The following CRACDL variants were observed in gnomAD, a reference collection of about 807,000 sequenced individuals.
The protein encoded by CRACDL is CRACD-like protein.
In CRACDL, 26 loss-of-function variants were observed where a neutral mutation model predicts 70.6. The ratio of observed to expected loss-of-function variants is 0.37; its 90% CI spans 0.27 to 0.51. CRACDL has a LOEUF of 0.51. Ranked by LOEUF, CRACDL falls within the 20% of genes least tolerant of loss-of-function variation. The pLI is 0.94. For missense variants in CRACDL, 1,283 were observed against 1,376.9 expected (o/e 0.93, Z 1.08); for synonymous variants, 618 against 615.2 (o/e 1.00, Z -0.07).
chr2:98,902,441 A>G (rs1708305598), intron 1 of CRACDL, among the ~76,000 whole-genome samples: 1 of 152,032 alleles, frequency 6.6e-6, no homozygotes, highest in Non-Finnish European at 1.5e-5. Flanking sequence ...CCAGCAAATG[A>G]TCTGATCAAT....
At position 98,856,824 on chromosome 2, in the gene CRACDL, T is replaced by A. The variant is rs150931887; in HGVS notation, c.-10-10014A>T. Among the ~76,000 whole-genome samples the A allele has an allele frequency of 6.6e-5, 10 of 152,300 alleles. No homozygotes were observed. The East Asian group carries it at 1.2e-3, about 18-fold the overall frequency. ...AGGTGTACCAGTGTGAGAAGGATGG[T>A]CCCTGCAACAAGTTCCCCTTCTTGT... On this transcript the variant is annotated intron_variant, in intron 1 of 9. Coordinates refer to ENST00000397899, the MANE Select transcript of CRACDL (RefSeq NM_207362.3).
chr2:98,822,439 C>T lies in CRACDL; in HGVS notation c.1834G>A (p.Ala612Thr), dbSNP rs866880703. ...RSGPVWRSEA[A>T]LDDLQGLPEP... Reference sequence around the variant, plus strand: ...GGGAGACCCTGGAGGTCGTCAAGAGCCGCCTCGCTCCTCCAGACCGGGCCG... The same window carrying T: ...GGGAGACCCTGGAGGTCGTCAAGAGTCGCCTCGCTCCTCCAGACCGGGCCG... The change falls in exon 7 of 10, where the codon GCT becomes ACT. Residue 612 changes from alanine (A) to threonine (T), a missense_variant. Coordinates refer to ENST00000397899, the MANE Select transcript of CRACDL (RefSeq NM_207362.3). The surrounding 1 kb of genome is among the most constrained non-coding windows in gnomAD (Gnocchi z 4.9). The T allele has an allele frequency of 2.0e-6, 3 of 1,483,044 alleles. No individual in the cohort carries two copies. The highest frequency in any genetic ancestry group is 2.3e-5 in the Admixed American group (1 of 43,044). The allele number at this position is 1,483,044 out of a possible 1,614,324, so 91.9% of individuals were successfully genotyped here.
intron 1 of CRACDL, among the ~76,000 whole-genome samples, chr2:98,921,886 C>T (rs1179887304): frequency 6.6e-6 from 1 of 152,104 alleles, no homozygotes; most frequent in Non-Finnish European, 1.5e-5. Flanking sequence ...ACCCTGAGTC[C>T]CACTCCCACC....
intron 1 of CRACDL, among the ~76,000 whole-genome samples, chr2:98,883,567 G>GGAA (rs1409437696): frequency 1.3e-5 from 2 of 152,162 alleles, no homozygotes; most frequent in Non-Finnish European, 2.9e-5. Flanking sequence ...CTCGGCAAGG[G>GGAA]GCAGCAGCAT....
chr2:98,869,017 G>A (rs571978325), intron 1 of CRACDL: 253 of 1,135,424 alleles, frequency 2.2e-4, no homozygotes, highest in Middle Eastern at 1.4e-3. Context: ...CGGGAGTCAC[G>A]GCCTGGCCTC....
chr2:98,838,142 G>A lies in CRACDL; in HGVS notation c.216C>T (p.Gly72=), dbSNP rs756740972. The A allele has an allele frequency of 1.2e-6, 2 of 1,609,976 alleles. No individual in the cohort carries two copies. The highest frequency in any genetic ancestry group is 1.7e-6 in the Non-Finnish European group (2 of 1,178,334). Residue 72 remains glycine (G), a synonymous_variant, in exon 3 of 10, where the codon GGC becomes GGT. Transcript: ENST00000397899. The part of the protein sequence containing the change: ...EVIAIESGPV[G]YDSEDELEES... ...ACTCCAGCTCATCCTCGGAGTCGTA[G>A]CCCACTGGCCCGGATTCGATGGCAA...
At chr2:98,836,899 G>A (rs912668682) in intron 3 of CRACDL, among the ~76,000 whole-genome samples, 4 of 151,954 alleles carry the variant, frequency 2.6e-5, no homozygotes, top group African/African-American at 9.7e-5. Context: ...TGGCTAACAC[G>A]GTGAAATCCC....
rs117359494 is a variant in CRACDL at position 98,922,298 on chromosome 2, G to A, written c.-11+13640C>T. On this transcript the variant is annotated intron_variant, in intron 1 of 9. Transcript: ENST00000397899. ...AAATACAAAATACACCCATGCACCGGGCATGGTGGTGCACGCCTGTAGTCC... is the reference window on the plus strand; with the variant it reads ...AAATACAAAATACACCCATGCACCGAGCATGGTGGTGCACGCCTGTAGTCC... Among the ~76,000 whole-genome samples the A allele has an allele frequency of 1.2e-4, 18 of 151,890 alleles. No individual in the cohort carries two copies. The East Asian group carries it at 3.5e-3, about 30-fold the overall frequency.
chr2:98,842,059 G>A (rs969054205), intron 2 of CRACDL, among the ~76,000 whole-genome samples: 1 of 151,752 alleles, frequency 6.6e-6, no homozygotes, highest in Non-Finnish European at 1.5e-5. Context: ...GGGATTCATT[G>A]GGTTTCTTAA....
chr2:98,854,893 C>G (rs1706635171), intron 1 of CRACDL, among the ~76,000 whole-genome samples: 1 of 152,196 alleles, frequency 6.6e-6, no homozygotes, highest in African/African-American at 2.4e-5. Flanking sequence ...AAAGCCATTA[C>G]TGGGACAAAT....
At chr2:98,801,358 C>T (rs1453091260) in intron 7 of CRACDL, among the ~76,000 whole-genome samples, 1 of 152,208 alleles carries the variant, frequency 6.6e-6, no homozygotes, top group Non-Finnish European at 1.5e-5. Context: ...CACCTGGAGC[C>T]TCTCAGCAGA....
intron 1 of CRACDL, among the ~76,000 whole-genome samples, chr2:98,901,964 G>A (rs1335045672): frequency 4.6e-5 from 7 of 152,076 alleles, no homozygotes; most frequent in Admixed American, 1.3e-4. Context: ...AAAGGTGGGC[G>A]CAATGAAGTC....
intron 1 of CRACDL, among the ~76,000 whole-genome samples, chr2:98,873,798 G>C (rs1476903976): frequency 6.6e-6 from 1 of 152,188 alleles, no homozygotes; most frequent in African/African-American, 2.4e-5. Context: ...CTGAGGTCAG[G>C]AATTCCAGAC....
chr2:98,934,161 C>G (rs1709151400), intron 1 of CRACDL, among the ~76,000 whole-genome samples: 1 of 151,668 alleles, frequency 6.6e-6, no homozygotes, highest in African/African-American at 2.4e-5. Flanking sequence ...TCTCATTTCC[C>G]TGAATGGTGC....
rs189239994 is a variant in CRACDL, at chr2:98,861,420, T to C, written c.-10-14610A>G. Among the ~76,000 whole-genome samples, 3 of 152,216 alleles carry C rather than the reference T, an allele frequency of 2.0e-5. No individual in the cohort carries two copies. In the East Asian group the frequency reaches 5.8e-4, roughly 29 times the overall value. ...ACTAGAATGACTATAATAAAAGAGA[T>C]AGATAATAACAAGCGTTGCAAGGAT... On this transcript the variant is annotated intron_variant, in intron 1 of 9. Transcript: ENST00000397899.
intron 7 of CRACDL, among the ~76,000 whole-genome samples, chr2:98,800,636 C>A (rs1324628390): frequency 6.6e-6 from 1 of 152,186 alleles, no homozygotes; most frequent in Non-Finnish European, 1.5e-5. Context: ...TCTGGTCAGT[C>A]TCTCTCCTAA....
At chr2:98,894,860 C>CT in intron 1 of CRACDL, among the ~76,000 whole-genome samples, 1 of 152,192 alleles carries the variant, frequency 6.6e-6, no homozygotes. Flanking sequence ...AATCTCAGCA[C>CT]TTTGGGAGGC....
At chr2:98,935,093 C>G (rs1709173226) in intron 1 of CRACDL, among the ~76,000 whole-genome samples, 1 of 152,174 alleles carries the variant, frequency 6.6e-6, no homozygotes, top group South Asian at 2.1e-4. Flanking sequence ...TACACAGATT[C>G]TAGTCTATGG....
intron 7 of CRACDL, among the ~76,000 whole-genome samples, chr2:98,811,686 T>G (rs1328192723): frequency 6.6e-6 from 1 of 152,110 alleles, no homozygotes; most frequent in Admixed American, 6.6e-5. Flanking sequence ...CCTTCCCCTA[T>G]GTAACCAGAC....
Sources: allele counts gnomAD v4.1 joint callset (sites outside exome capture counted in the v4.1 genomes callset), GRCh38; gene constraint gnomAD v4.1.1; non-coding constraint Gnocchi (gnomAD v3.1); transcripts MANE v1.5; gene names NCBI Gene and HGNC (gene_info 2026-07-23, HGNC 2026-07-21).